CSE1L: variants seen among roughly 807,000 people sequenced by gnomAD.
CSE1L encodes the protein exportin-2.
CSE1L carries 24 observed loss-of-function variants against 120.4 expected under a neutral mutation model. The observed-to-expected ratio is 0.20, with a 90% confidence interval of 0.14 to 0.28. CSE1L has a LOEUF of 0.28. Among genes scored for constraint, CSE1L ranks in the 10% least tolerant of loss-of-function variants. The probability of loss-of-function intolerance (pLI) is 1.00; values close to 1 mark genes in which losing one functional copy is unlikely to be tolerated. For synonymous variants in CSE1L, 402 were observed against 398.3 expected (o/e 1.01, Z -0.11); for missense variants, 830 against 1,145.2 (o/e 0.72, Z 3.97).
rs145225204 is a variant in CSE1L at position 49,084,612 on chromosome 20, G to A, written c.1619+450G>A. Among the ~76,000 whole-genome samples the A allele has an allele frequency of 2.6e-3, 391 of 152,216 alleles. 1 individual carries two copies. The highest frequency in any genetic ancestry group is 8.8e-3 in the African/African-American group (365 of 41,534). On this transcript the variant is annotated intron_variant, in intron 15 of 24. Transcript: ENST00000262982. ...CAGTTATTTTCATGTGGCTATTTGCGTAAGGTCACTTATTTCTGAGATATG... is the reference window on the plus strand; with the variant it reads ...CAGTTATTTTCATGTGGCTATTTGCATAAGGTCACTTATTTCTGAGATATG...
intron 1 of CSE1L, among the ~76,000 whole-genome samples, chr20:49,053,383 C>T (rs142439996): frequency 0.014 from 1,190 of 87,510 alleles, 10 homozygotes; most frequent in Admixed American, 0.022. Context: ...TTTGAGACTG[C>T]GTTTCTCTCT....
At position 49,063,509 on chromosome 20, in the gene CSE1L, T is replaced by C. The variant is rs1325749168; in HGVS notation, c.228+165T>C. ...AGTTCAAGGCTGCAGTGAGCTATGA[T>C]TGCACCACTGTACTCTAGCCTTTTA... On this transcript the variant is annotated intron_variant, in intron 3 of 24. Transcript: ENST00000262982. Among the ~76,000 whole-genome samples, 6 of 152,294 alleles carry C rather than the reference T, an allele frequency of 3.9e-5. No homozygotes were observed. In the East Asian group the frequency reaches 1.2e-3, roughly 29 times the overall value.
intron 3 of CSE1L, 26 bp downstream of exon 3, chr20:49,063,370 T>G: frequency 7.3e-7 from 1 of 1,372,190 alleles, no homozygotes; most frequent in East Asian, 2.5e-5. Flanking sequence ...ATACATAATT[T>G]AATACCCTGT....
chr20:49,078,003 C>CAAAAAA (rs57808069), intron 13 of CSE1L, among the ~76,000 whole-genome samples: 1 of 142,924 alleles, frequency 7.0e-6, no homozygotes, highest in African/African-American at 2.6e-5. Context: ...GACTCTGTCT[C>CAAAAAA]AAAAAAAAAA....
chr20:49,070,469 C>T (rs2091923985), intron 8 of CSE1L, among the ~76,000 whole-genome samples, 172 bp downstream of exon 8: 1 of 152,186 alleles, frequency 6.6e-6, no homozygotes. Context: ...TACAGAATTA[C>T]TCTTATCATG....
intron 2 of CSE1L, 104 bp downstream of exon 2, chr20:49,058,652 C>A: frequency 2.4e-6 from 2 of 828,894 alleles, no homozygotes; most frequent in Non-Finnish European, 3.8e-6. Flanking sequence ...AAAATTCATA[C>A]TTGGGTTCTC....
chr20:49,090,218 C>A (rs1177440413), intron 19 of CSE1L, among the ~76,000 whole-genome samples: 1 of 152,026 alleles, frequency 6.6e-6, no homozygotes, highest in East Asian at 1.9e-4. Flanking sequence ...TTATTTATAT[C>A]CATGATGGAA....
At chr20:49,071,092 C>T (rs1055737265) in intron 8 of CSE1L, among the ~76,000 whole-genome samples, 2 of 148,712 alleles carry the variant, frequency 1.3e-5, no homozygotes, top group African/African-American at 5.2e-5. Context: ...TATTTATGAC[C>T]TTCTTTCCGA....
rs141564653 is a variant in CSE1L, at chr20:49,066,203, A to G, written c.240A>G (p.Glu80=). 625 of 1,614,168 alleles carry G rather than the reference A, an allele frequency of 3.9e-4. 1 individual carries two copies. In the African/African-American group the frequency reaches 7.6e-3, roughly 20 times the overall value. Residue 80 remains glutamate, a synonymous_variant, in exon 4 of 25, where the codon GAA becomes GAG. Coordinates refer to ENST00000262982, the MANE Select transcript of CSE1L (RefSeq NM_001316.4). The stretch of plus-strand genomic sequence containing the variant: ...TGCTTTGCTTTTAGGTTGAAGATGA[A>G]CCAAACAAAATTTGTGAAGCCGATC... ...IKRNWRIVED[E]PNKICEADRV... is the part of the protein sequence containing the mutation.
intron 1 of CSE1L, among the ~76,000 whole-genome samples, chr20:49,050,200 T>TTTTTATTTTATTTTATTTTA (rs563854131): frequency 6.8e-5 from 10 of 146,542 alleles, no homozygotes; most frequent in South Asian, 2.2e-4. Flanking sequence ...TATTTATTTA[T>TTTTTATTTTATTTTATTTTA]TTTTATTTTA....
At chr20:49,083,648 G>C (rs906249729) in intron 14 of CSE1L, among the ~76,000 whole-genome samples, 6 of 152,148 alleles carry the variant, frequency 3.9e-5, no homozygotes, top group Admixed American at 3.3e-4. Flanking sequence ...GTTGCTTTTT[G>C]GGGGTGGGAA....
rs746034470 is a variant in CSE1L at position 49,089,602 on chromosome 20, G to A, written c.2037G>A (p.Pro679=). ...LLLETHKNDI[P]SSYMALFPHL... ...TGGAAACACACAAAAATGACATCCCGTCTTCCTATATGGCCTTATTTCCTC... is the reference window on the plus strand; with the variant it reads ...TGGAAACACACAAAAATGACATCCCATCTTCCTATATGGCCTTATTTCCTC... Residue 679 remains proline, a synonymous_variant, in exon 19 of 25, where the codon CCG becomes CCA. Coordinates refer to ENST00000262982, the MANE Select transcript of CSE1L (RefSeq NM_001316.4). The A allele has an allele frequency of 1.2e-5, 19 of 1,613,950 alleles. No homozygotes were observed. The highest frequency in any genetic ancestry group is 3.3e-5 in the Admixed American group (2 of 59,984).
At chr20:49,072,810 C>A (rs1366770381) in intron 10 of CSE1L, 113 bp downstream of exon 10, 1 of 1,104,190 alleles carries the variant, frequency 9.1e-7, no homozygotes. Flanking sequence ...TCATTTATTT[C>A]TTATTTTCTA....
At chr20:49,089,172 C>A in intron 17 of CSE1L, 75 bp from the exon 18 acceptor site, 2 of 1,182,860 alleles carry the variant, frequency 1.7e-6, no homozygotes, top group Non-Finnish European at 2.3e-6. Flanking sequence ...ATAAGATGGC[C>A]TCTATTTTAA....
At chr20:49,081,862 T>C (rs561504296) in intron 14 of CSE1L, among the ~76,000 whole-genome samples, 21 of 152,292 alleles carry the variant, frequency 1.4e-4, no homozygotes, top group Middle Eastern at 3.4e-3. Context: ...TAAAACAATA[T>C]GATGATTACT....
intron 13 of CSE1L, among the ~76,000 whole-genome samples, chr20:49,077,717 A>C (rs963130641): frequency 6.6e-6 from 1 of 152,088 alleles, no homozygotes; most frequent in African/African-American, 2.4e-5. Flanking sequence ...TATTAAGGAT[A>C]TCTTTTGGCC....
Position 49,085,562 on chromosome 20 carries a change from A to ATTTTTTTTTTT in CSE1L, c.1723+193_1723+203dup, listed in dbSNP as rs11471947. Among the ~76,000 whole-genome samples, 366 of 80,214 alleles carry ATTTTTTTTTTT rather than the reference A, an allele frequency of 4.6e-3. 76 individuals carry two copies. The highest frequency in any genetic ancestry group is 4.9e-3 in the Non-Finnish European group (202 of 41,256). 52.6% of individuals were successfully genotyped at this position (80,214 alleles called of 152,430 possible). The stretch of plus-strand genomic sequence containing the variant: ...ATTATCTTGTTTACTACTAACAATA[A>ATTTTTTTTTTT]TTTTTTTTTTTTTTTTTTTTTTTTT... On this transcript the variant is annotated intron_variant, in intron 16 of 24. Coordinates refer to ENST00000262982, the MANE Select transcript of CSE1L (RefSeq NM_001316.4).
rs769893092 is a variant in CSE1L at position 49,083,968 on chromosome 20, C to T, written c.1483-58C>T. 74 of 1,520,082 alleles carry T rather than the reference C, an allele frequency of 4.9e-5. No homozygotes were observed. The South Asian group carries it at 7.5e-4, about 15-fold the overall frequency. 94.2% of individuals were successfully genotyped at this position (1,520,082 alleles called of 1,614,324 possible). A position where few individuals can be genotyped will look rare whatever the true frequency, so the allele number is the denominator to read the frequency against. Reference sequence around the variant, plus strand: ...CAACAGGTCCTTCTCTTCCAATTGTCTTTTACTCAAATATGGAATCATTGC... The same window carrying T: ...CAACAGGTCCTTCTCTTCCAATTGTTTTTTACTCAAATATGGAATCATTGC... On this transcript the variant is annotated intron_variant, in intron 14 of 24. Transcript: ENST00000262982.
At chr20:49,068,384 C>G (rs989637644) in intron 6 of CSE1L, among the ~76,000 whole-genome samples, 2 of 152,028 alleles carry the variant, frequency 1.3e-5, no homozygotes, top group Admixed American at 6.6e-5. Context: ...GTCAGGAGAT[C>G]GAGACCACCA....
Sources: gnomAD v4.1 joint callset for allele counts (sites outside exome capture counted in the v4.1 genomes callset) on GRCh38, gnomAD v4.1.1 for gene constraint, MANE v1.5 for transcripts, NCBI Gene and HGNC (gene_info 2026-07-23, HGNC 2026-07-21) for gene names.